Variants in CTPS2 observed in about 807,000 individuals in gnomAD.
CTPS2 encodes CTP synthase 2, also known as CTP synthase II.
Under a neutral mutation model 46.8 loss-of-function variants are expected in CTPS2, and 19 were observed. The observed-to-expected ratio is 0.41, with a 90% confidence interval of 0.28 to 0.60. The LOEUF (loss-of-function observed/expected upper bound fraction) is 0.60. Ranked by LOEUF, CTPS2 falls within the 20% of genes least tolerant of loss-of-function variation. The pLI is 0.35. For missense variants in CTPS2, 286 were observed against 447.6 expected (o/e 0.64, Z 3.26); for synonymous variants, 151 against 165.2 (o/e 0.91, Z 0.66).
At chrX:16,629,998 A>G (rs1931375949) in intron 14 of CTPS2, among the ~76,000 whole-genome samples, 1 of 111,484 alleles carries the variant, frequency 9.0e-6, no homozygotes, top group Non-Finnish European at 1.9e-5. Flanking sequence ...TCCACCTGCC[A>G]GGTCCAGAAG....
Position 16,670,617 on chromosome X carries a change from C to T in CTPS2, c.1152G>A (p.Ala384=), listed in dbSNP as rs760132086. Residue 384 remains alanine, a synonymous_variant, in exon 11 of 19, where the codon GCG becomes GCA. Transcript: ENST00000359276. ...GIRGTLGKLQ[A]ISWARTKKIP... is the part of the protein sequence containing the mutation. ...TCTTCTTTGTCCTTGCCCAAGAAAT[C>T]GCCTGGAGTTTTCCCAATGTTCCTC... 7 of 1,205,626 alleles carry T rather than the reference C, an allele frequency of 5.8e-6. No individual in the cohort carries two copies. In the East Asian group the frequency reaches 8.9e-5, roughly 15 times the overall value.
At chrX:16,678,626 A>C (rs1170569592) in intron 9 of CTPS2, among the ~76,000 whole-genome samples, 176 bp from the exon 10 acceptor site, 1 of 111,735 alleles carries the variant, frequency 8.9e-6, no homozygotes, top group East Asian at 2.8e-4. Context: ...TCTTTCAGAA[A>C]GATTACAAAA....
At chrX:16,710,127 C>G (rs1467907858) in intron 1 of CTPS2, among the ~76,000 whole-genome samples, 1 of 110,942 alleles carries the variant, frequency 9.0e-6, no homozygotes, top group Non-Finnish European at 1.9e-5. Context: ...TAACCTTCCT[C>G]TCAACCACCT....
intron 9 of CTPS2, among the ~76,000 whole-genome samples, chrX:16,680,669 A>G (rs1922668134): frequency 9.0e-6 from 1 of 111,603 alleles, no homozygotes; most frequent in Non-Finnish European, 1.9e-5. Flanking sequence ...CAATTTTTCC[A>G]TTGCCATTTT....
At chrX:16,626,040 T>C (rs1931123920) in intron 14 of CTPS2, among the ~76,000 whole-genome samples, 1 of 111,297 alleles carries the variant, frequency 9.0e-6, no homozygotes, top group African/African-American at 3.3e-5. Context: ...CTGCCCAGTA[T>C]TTCCCGGTCT....
chrX:16,689,353 A>G (rs1421714370), intron 8 of CTPS2, 97 bp downstream of exon 8: 1 of 888,022 alleles, frequency 1.1e-6, no homozygotes, highest in Non-Finnish European at 1.6e-6. Flanking sequence ...CACACGCAAA[A>G]TGCCAAATAC....
intron 13 of CTPS2, chrX:16,651,197 G>A (rs774114326): frequency 4.0e-6 from 4 of 994,657 alleles, no homozygotes; most frequent in Non-Finnish European, 5.7e-6. Context: ...AGGGGAGGGA[G>A]GGAGGGGAGA....
intron 17 of CTPS2, among the ~76,000 whole-genome samples, chrX:16,603,445 A>AAATAAAT (rs1929790105): frequency 9.3e-6 from 1 of 108,071 alleles, no homozygotes; most frequent in African/African-American, 3.4e-5. Flanking sequence ...ATAAATAAAT[A>AAATAAAT]AATAAATAAA....
In CTPS2 at chrX:16,639,154, T is replaced by C; in HGVS notation, c.1386A>G (p.Ser462=). 8.4e-7 allele frequency: 1 copy of C among 1,191,834 alleles called. No homozygotes were observed. Among genetic ancestry groups the C allele is most frequent in the Non-Finnish European group, 1.1e-6 (1 of 877,348 alleles). Residue 462 remains serine (S), a synonymous_variant, in exon 14 of 19, where the codon TCA becomes TCG. Coordinates refer to ENST00000359276, the MANE Select transcript of CTPS2 (RefSeq NM_175859.3). ...IRRTVFKTEN[S]ILRKLYGDVP... The stretch of plus-strand genomic sequence containing the variant: ...ACAATATGGGAAACTTACTTAATAT[T>C]GAATTTTCAGTTTTGAAAACAGTTC...
At chrX:16,699,540 G>A (rs1946732902) in intron 2 of CTPS2, among the ~76,000 whole-genome samples, 2 of 112,584 alleles carry the variant, frequency 1.8e-5, no homozygotes, top group African/African-American at 6.4e-5. Flanking sequence ...AGGCAACTTG[G>A]TGAAAGTGAG....
intron 14 of CTPS2, chrX:16,626,885 C>T (rs979730754): frequency 8.8e-6 from 1 of 113,019 alleles, no homozygotes; most frequent in Non-Finnish European, 1.9e-5. Context: ...CCCACATTCG[C>T]TCCCCTGGAA....
intron 13 of CTPS2, among the ~76,000 whole-genome samples, chrX:16,663,286 T>C (rs1487218437): frequency 9.0e-6 from 1 of 110,831 alleles, no homozygotes; most frequent in African/African-American, 3.3e-5. Context: ...GCTAGGACTA[T>C]AGGTGCATGC....
At chrX:16,682,667 C>T (rs1336349172) in intron 9 of CTPS2, among the ~76,000 whole-genome samples, 1 of 111,625 alleles carries the variant, frequency 9.0e-6, no homozygotes, top group African/African-American at 3.3e-5. Context: ...AACATGGTTT[C>T]TGCTGCATGC....
At chrX:16,649,453 C>T (rs958405709) in intron 13 of CTPS2, among the ~76,000 whole-genome samples, 2 of 112,073 alleles carry the variant, frequency 1.8e-5, no homozygotes, top group Non-Finnish European at 1.9e-5. Context: ...ATGGCCATAC[C>T]GTAATTTTTT....
At chrX:16,644,760 G>A (rs1341851489) in intron 13 of CTPS2, among the ~76,000 whole-genome samples, 1 of 112,480 alleles carries the variant, frequency 8.9e-6, no homozygotes, top group Non-Finnish European at 1.9e-5. Context: ...AAGCCACTGT[G>A]TTTGTGGTAA....
In CTPS2 at chrX:16,712,468, C is replaced by A. The variant is rs1319751810; in HGVS notation, c.-173G>T. Reference sequence around the variant, plus strand: ...GGCTGTCCAAAGCCGCCCCCGGGATCTTCCCACCGCCCACACGGGCCTCGG... The same window carrying A: ...GGCTGTCCAAAGCCGCCCCCGGGATATTCCCACCGCCCACACGGGCCTCGG... On this transcript the variant is annotated 5_prime_UTR_variant, in exon 1 of 19. Coordinates refer to ENST00000359276, the MANE Select transcript of CTPS2 (RefSeq NM_175859.3). 1 of 112,789 alleles carries A rather than the reference C, an allele frequency of 8.9e-6. No homozygotes were observed. The highest frequency in any genetic ancestry group is 3.2e-5 in the African/African-American group (1 of 31,113). The allele number at this position is 112,789 out of a possible 1,213,427, so 9.3% of individuals were successfully genotyped here. A position where few individuals can be genotyped will look rare whatever the true frequency, so the allele number is the denominator to read the frequency against.
At chrX:16,670,488 C>T in intron 11 of CTPS2, 92 bp downstream of exon 11, 2 of 638,268 alleles carry the variant, frequency 3.1e-6, no homozygotes, top group Non-Finnish European at 4.9e-6. Context: ...TCCGAGTTCA[C>T]ACCTTTACGA....
At chrX:16,692,587 C>T (rs1342836904) in intron 6 of CTPS2, among the ~76,000 whole-genome samples, 1 of 111,943 alleles carries the variant, frequency 8.9e-6, no homozygotes, top group African/African-American at 3.2e-5. Flanking sequence ...AATGACAGGA[C>T]ATCACACTTG....
At chrX:16,675,444 C>T (rs909192334) in intron 10 of CTPS2, among the ~76,000 whole-genome samples, 11 of 111,665 alleles carry the variant, frequency 9.9e-5, no homozygotes, top group African/African-American at 3.6e-4. Context: ...AAAAATTATA[C>T]GAAAAGCACT....
Sources: allele counts gnomAD v4.1 joint callset (sites outside exome capture counted in the v4.1 genomes callset), GRCh38; gene constraint gnomAD v4.1.1; transcripts MANE v1.5; gene names NCBI Gene and HGNC (gene_info 2026-07-23, HGNC 2026-07-21).